SMG1: variants seen among roughly 807,000 people sequenced by gnomAD.
The protein encoded by SMG1 is serine/threonine-protein kinase SMG1.
In SMG1, 22 loss-of-function variants were observed where a neutral mutation model predicts 419.9. That is an observed-to-expected ratio of 0.05 (90% CI 0.04 to 0.07). The LOEUF (loss-of-function observed/expected upper bound fraction) is 0.07, where lower values mean the gene tolerates loss of function less well. SMG1 is among the 10% of genes least tolerant of loss of function. The pLI, the probability that SMG1 is intolerant of heterozygous loss-of-function variation, is 1.00. For missense variants in SMG1, 3,185 were observed against 4,342.0 expected, an observed-to-expected ratio of 0.73 and a Z score of 7.49; for synonymous variants, 1,538 against 1,553.5, an observed-to-expected ratio of 0.99 and a Z score of 0.23.
chr16:18,855,004 C>T, intron 29 of SMG1, 100 bp from the exon 30 acceptor site: 1 of 916,108 alleles, frequency 1.1e-6, no homozygotes, highest in Non-Finnish European at 1.5e-6. Context: ...CTCTTCTGCA[C>T]CACCTCCTGA....
In SMG1 at chr16:18,832,958, T is replaced by C. The variant is rs1276362977; in HGVS notation, c.8774A>G (p.His2925Arg). 5 of 1,613,794 alleles carry C rather than the reference T, an allele frequency of 3.1e-6. No individual in the cohort carries two copies. Among genetic ancestry groups the C allele is most frequent in the Non-Finnish European group, 4.2e-6 (5 of 1,179,852 alleles). Reference sequence around the variant, plus strand: ...CACTTGCCTGGCAACATCGATGTAATGAGCATGTGTTTCTTCTTCCAGTCC... The same window carrying C: ...CACTTGCCTGGCAACATCGATGTAACGAGCATGTGTTTCTTCTTCCAGTCC... ...AMGLEEETHA[H>R]YIDVARLLHA... The change falls in exon 51 of 63, where the codon CAT becomes CGT. Residue 2925 changes from histidine (H) to arginine (R), a missense_variant. Transcript: ENST00000446231.
chr16:18,922,130 T>G (rs2038221839), intron 1 of SMG1, among the ~76,000 whole-genome samples: 1 of 152,248 alleles, frequency 6.6e-6, no homozygotes, highest in South Asian at 2.1e-4. Flanking sequence ...ATCAGTCACT[T>G]TAGAATATTA....
chr16:18,920,295 T>C (rs2038146004), intron 1 of SMG1, among the ~76,000 whole-genome samples: 1 of 149,948 alleles, frequency 6.7e-6, no homozygotes, highest in African/African-American at 2.5e-5. Context: ...GACAGGAAAA[T>C]CGCTTGTACC....
chr16:18,873,739 T>C lies in SMG1; in HGVS notation c.1891-1115A>G, dbSNP rs188673394. ...GACTGTATTTCCTCAATTTTCCATA[T>C]ACTGCAAATGGCAAGGTGCCCTGTT... On this transcript the variant is annotated intron_variant, in intron 13 of 62. Coordinates refer to ENST00000446231, the MANE Select transcript of SMG1 (RefSeq NM_015092.5). Among the ~76,000 whole-genome samples, 20 of 152,332 alleles carry C rather than the reference T, an allele frequency of 1.3e-4. No individual in the cohort carries two copies. The East Asian group carries it at 3.7e-3, about 28-fold the overall frequency.
chr16:18,845,378 A>G, intron 39 of SMG1, 51 bp downstream of exon 39: 1 of 1,497,838 alleles, frequency 6.7e-7, no homozygotes, highest in East Asian at 2.3e-5. Flanking sequence ...TTCGTATCTC[A>G]TGGGAACTGT....
chr16:18,838,619 T>A lies in SMG1; in HGVS notation c.7016A>T (p.Asp2339Val). ...YIIGLGDRHL[D>V]NVLIDMTTGE... is the part of the protein sequence containing the mutation. ...AGTCGTCATATCTATAAGAACATTA[T>A]CCAGATGTCTGTCTCCAAGGCCAAT... is the stretch of plus-strand genomic sequence containing the variant. The change falls in exon 43 of 63, where the codon GAT (aspartate) becomes GTT (valine). Residue 2339 changes from aspartate to valine, a missense_variant. Physicochemically the swap from Asp to Val is radical, Grantham distance 152. Around this residue, in one of 27 missense-constraint regions of SMG1, gnomAD observed 60 missense variants for 133.9 expected, o/e 0.45. Coordinates refer to ENST00000446231, the MANE Select transcript of SMG1 (RefSeq NM_015092.5). 6.2e-7 allele frequency: 1 copy of A among 1,613,716 alleles called. No individual in the cohort carries two copies. Among genetic ancestry groups the A allele is most frequent in the Non-Finnish European group, 8.5e-7 (1 of 1,179,724 alleles).
intron 1 of SMG1, among the ~76,000 whole-genome samples, chr16:18,923,772 T>G (rs1411257965): frequency 6.6e-6 from 1 of 152,172 alleles, no homozygotes; most frequent in Admixed American, 6.6e-5. Context: ...TCTGAAGATG[T>G]TCTAAACCTT....
intron 56 of SMG1, among the ~76,000 whole-genome samples, chr16:18,818,980 C>T (rs1428044556): frequency 6.6e-6 from 1 of 152,114 alleles, no homozygotes; most frequent in Non-Finnish European, 1.5e-5. Context: ...CCACACCCAG[C>T]TAATTTTTTT....
At chr16:18,866,329 C>CT (rs539348778) in intron 23 of SMG1, 18 of 441,816 alleles carry the variant, frequency 4.1e-5, no homozygotes, top group South Asian at 3.8e-4. Context: ...GTATCAGACT[C>CT]TGAGGGGGAA....
In SMG1 at chr16:18,907,490, G is replaced by C. The variant is rs141304809; in HGVS notation, c.93-10534C>G. ...CTGGTTTTAGCCTCCCCAGTAGCTA[G>C]AACTACAGGTATGGAGTGGCTCTCT... On this transcript the variant is annotated intron_variant, in intron 1 of 62. Coordinates refer to ENST00000446231, the MANE Select transcript of SMG1 (RefSeq NM_015092.5). Among the ~76,000 whole-genome samples the C allele has an allele frequency of 4.9e-4, 74 of 152,150 alleles. 1 individual carries two copies. In the East Asian group the frequency reaches 0.014, roughly 28 times the overall value.
chr16:18,848,458 G>GT (rs2034394916), intron 36 of SMG1, among the ~76,000 whole-genome samples: 2 of 151,864 alleles, frequency 1.3e-5, no homozygotes, highest in Non-Finnish European at 2.9e-5. Flanking sequence ...TGGGACTACA[G>GT]GTGTGTGCTA....
intron 60 of SMG1, among the ~76,000 whole-genome samples, chr16:18,813,579 T>C (rs2031684758): frequency 6.6e-6 from 1 of 152,154 alleles, no homozygotes; most frequent in African/African-American, 2.4e-5. Flanking sequence ...GTCAGATGAG[T>C]AGATTGCAAA....
intron 39 of SMG1, among the ~76,000 whole-genome samples, 167 bp from the exon 40 acceptor site, chr16:18,842,621 T>C (rs2033988566): frequency 6.6e-6 from 1 of 152,092 alleles, no homozygotes; most frequent in Non-Finnish European, 1.5e-5. Flanking sequence ...GTTCAGAAGT[T>C]CAAGACCAGC....
At chr16:18,925,744 C>A in intron 1 of SMG1, 1 of 409,346 alleles carries the variant, frequency 2.4e-6, no homozygotes, top group Non-Finnish European at 4.3e-6. Context: ...CAGCCCCGGG[C>A]TGAACAAGCA....
At chr16:18,907,868 AAG>A (rs1555505976) in intron 1 of SMG1, among the ~76,000 whole-genome samples, 1 of 142,702 alleles carries the variant, frequency 7.0e-6, no homozygotes, top group African/African-American at 2.7e-5. Context: ...AAAAAAAAAA[AAG>A]AGACCCTACT....
chr16:18,811,944 T>C lies in SMG1; in HGVS notation c.10801+4A>G. ...TTTAAGGCATCTTTATTCTAACTAA[T>C]TACCTTTCCCAGTTTTAGGGTCTCT... On this transcript the variant is annotated splice_donor_region_variant and intron_variant, in intron 61 of 62. Coordinates refer to ENST00000446231, the MANE Select transcript of SMG1 (RefSeq NM_015092.5). The C allele has an allele frequency of 6.2e-7, 1 of 1,613,188 alleles. No individual in the cohort carries two copies. The highest frequency in any genetic ancestry group is 8.5e-7 in the Non-Finnish European group (1 of 1,179,646).
chr16:18,913,764 G>A (rs2037871684), intron 1 of SMG1, among the ~76,000 whole-genome samples: 1 of 151,806 alleles, frequency 6.6e-6, no homozygotes, highest in African/African-American at 2.4e-5. Context: ...TCTCTATGAT[G>A]ATAAAAAGGG....
rs775667354 is a variant in SMG1, at chr16:18,850,432, T to C, written c.5088A>G (p.Glu1696=). Residue 1696 remains glutamate, a synonymous_variant, in exon 34 of 63, where the codon GAA becomes GAG. Transcript: ENST00000446231. The part of the protein sequence containing the change: ...EDITLQITES[E]DNEEDDMVDV... ...CAACCATGTCATCTTCTTCGTTGTCTTCACTCTCAGTTATCTGAAGTGTTA... is the reference window on the plus strand; with the variant it reads ...CAACCATGTCATCTTCTTCGTTGTCCTCACTCTCAGTTATCTGAAGTGTTA... The C allele has an allele frequency of 1.2e-6, 2 of 1,613,664 alleles. No homozygotes were observed. The highest frequency in any genetic ancestry group is 1.7e-5 in the Admixed American group (1 of 60,020).
chr16:18,862,248 C>G lies in SMG1; in HGVS notation c.3695+1402G>C, dbSNP rs557875851. Among the ~76,000 whole-genome samples, 321 of 152,260 alleles carry G rather than the reference C, an allele frequency of 2.1e-3. 1 individual carries two copies. The highest frequency in any genetic ancestry group is 6.9e-3 in the African/African-American group (286 of 41,546). On this transcript the variant is annotated intron_variant, in intron 25 of 62. Coordinates refer to ENST00000446231, the MANE Select transcript of SMG1 (RefSeq NM_015092.5). The stretch of plus-strand genomic sequence containing the variant: ...GATGTCCTATATCTAGGACACTTCC[C>G]TTCTCAATGTCCCTGTATTTTTTTG...
Sources: allele counts gnomAD v4.1 joint callset (sites outside exome capture counted in the v4.1 genomes callset), GRCh38; gene constraint gnomAD v4.1.1; regional missense constraint gnomAD v4.1.1; transcripts MANE v1.5; gene names NCBI Gene and HGNC (gene_info 2026-07-23, HGNC 2026-07-21).